The following TSPEAR variants were observed in gnomAD, a reference collection of about 807,000 sequenced individuals.
TSPEAR encodes thrombospondin type laminin G domain and EAR repeats.
Under a neutral mutation model 71.6 loss-of-function variants are expected in TSPEAR, and 69 were observed. That is an observed-to-expected ratio of 0.96 (90% confidence interval 0.79 to 1.18). TSPEAR has a LOEUF of 1.18. Among genes scored for constraint, TSPEAR ranks in the 50% most tolerant of loss-of-function variants. TSPEAR has a pLI of 0.00. For missense variants in TSPEAR, 971 were observed against 894.9 expected (o/e 1.09, Z -1.09); for synonymous variants, 402 against 387.2 (o/e 1.04, Z -0.45).
At chr21:44,639,236 A>T (rs1207447825) in intron 1 of TSPEAR, among the ~76,000 whole-genome samples, 2 of 152,160 alleles carry the variant, frequency 1.3e-5, no homozygotes, top group Non-Finnish European at 2.9e-5. Flanking sequence ...AATAGCCCTC[A>T]GCTCTGCCTG....
chr21:44,685,713 T>TCA (rs1230918560), intron 1 of TSPEAR, among the ~76,000 whole-genome samples: 1 of 152,134 alleles, frequency 6.6e-6, no homozygotes, highest in East Asian at 1.9e-4. Context: ...TCAGGATGAG[T>TCA]CACTTATTGA....
At position 44,558,074 on chromosome 21, in the gene TSPEAR, G is replaced by T. The variant is rs149538494; in HGVS notation, c.303+9711C>A. On this transcript the variant is annotated intron_variant, in intron 2 of 11. Transcript: ENST00000323084. ...GTCAGCAGCTGGACTTCTGGCCTGA[G>T]GAGAGGCCGCAGCACGCGGAAGAGA... is the stretch of plus-strand genomic sequence containing the variant. 8.3e-5 allele frequency: 134 copies of T among 1,610,570 alleles called. 1 individual carries two copies. In the African/African-American group the frequency reaches 1.5e-3, roughly 18 times the overall value.
chr21:44,503,856 G>A (rs1400778055), intron 11 of TSPEAR, among the ~76,000 whole-genome samples: 14 of 137,904 alleles, frequency 1.0e-4, no homozygotes, highest in Non-Finnish European at 2.0e-4. Flanking sequence ...GTGAGCCCTT[G>A]GGGGGAAGCC....
In TSPEAR at chr21:44,697,675, G is replaced by A. The variant is rs1193716906; in HGVS notation, c.82+13758C>T. ...CCTGCTGTGTGCCCGTCTGCTGCAA[G>A]CCCATCTGCTGTGTGCCTGTCTGCT... On this transcript the variant is annotated intron_variant, in intron 1 of 11. Coordinates refer to ENST00000323084, the MANE Select transcript of TSPEAR (RefSeq NM_144991.3). The A allele has an allele frequency of 2.5e-6, 4 of 1,612,818 alleles. No homozygotes were observed. The African/African-American group carries it at 4.0e-5, about 16-fold the overall frequency.
Position 44,702,723 on chromosome 21 carries a change from C to T in TSPEAR, c.82+8710G>A, listed in dbSNP as rs148182596. ...CCAGCTGCTGCCACCCAGCCTCCTG[C>T]GTGTCCCTCCTCTGCCGCCGTGTGT... is the stretch of plus-strand genomic sequence containing the variant. On this transcript the variant is annotated intron_variant, in intron 1 of 11. Transcript: ENST00000323084. 815 of 1,457,930 alleles carry T rather than the reference C, an allele frequency of 5.6e-4. 3 individuals carry two copies. The African/African-American group carries it at 9.7e-3, about 17-fold the overall frequency. 90.3% of individuals were successfully genotyped at this position (1,457,930 alleles called of 1,614,324 possible).
rs947582784 is a variant in TSPEAR at position 44,506,865 on chromosome 21, G to T, written c.1755-1984C>A. ...TGCACCGAGGCTCACATCAGAAGCC[G>T]GCTTCGGTTTCACCACAAAATAAGG... On this transcript the variant is annotated intron_variant, in intron 10 of 11. Transcript: ENST00000323084. The surrounding 1 kb of genome is among the most constrained non-coding windows in gnomAD (Gnocchi z 4.2). 6.6e-6 allele frequency: 1 copy of T among 152,176 alleles called. No homozygotes were observed. Among genetic ancestry groups the T allele is most frequent in the African/African-American group, 2.4e-5 (1 of 41,432 alleles). 9.4% of individuals were successfully genotyped at this position (152,176 alleles called of 1,614,324 possible).
rs538199531 is a variant in TSPEAR at position 44,684,923 on chromosome 21, T to A, written c.82+26510A>T. On this transcript the variant is annotated intron_variant, in intron 1 of 11. Transcript: ENST00000323084. ...TGTGGCTGCCCCAATTCTCTTGGTTTTTAAGTGTGATTCTGAACTATAGCA... is the reference window on the plus strand; with the variant it reads ...TGTGGCTGCCCCAATTCTCTTGGTTATTAAGTGTGATTCTGAACTATAGCA... 2.2e-3 allele frequency among the ~76,000 whole-genome samples: 341 copies of A among 152,306 alleles called. 4 individuals are homozygous for A. Among genetic ancestry groups the A allele is most frequent in the Non-Finnish European group, 3.8e-3 (260 of 68,022 alleles).
intron 1 of TSPEAR, among the ~76,000 whole-genome samples, chr21:44,669,231 T>C (rs587650725): frequency 1.3e-5 from 2 of 152,270 alleles, no homozygotes; most frequent in African/African-American, 2.4e-5. Flanking sequence ...GAGACCATCC[T>C]GGCTAACATG....
chr21:44,633,967 T>C (rs782576043), intron 1 of TSPEAR, among the ~76,000 whole-genome samples: 3 of 152,146 alleles, frequency 2.0e-5, no homozygotes, highest in Non-Finnish European at 4.4e-5. Flanking sequence ...ACAAATGCTA[T>C]AAAATGATGG....
Position 44,612,098 on chromosome 21 carries a change from A to G in TSPEAR, c.83-44093T>C. On this transcript the variant is annotated intron_variant, in intron 1 of 11. Transcript: ENST00000323084. This position sits in a 1 kb window ranked among gnomAD's most constrained non-coding sequence, Gnocchi z 4.1. ...ACTCACACCACCCAGTCCAGCACCC[A>G]CCATGGCTGACGCCTGCTGCACCAG... 3 of 1,612,758 alleles carry G rather than the reference A, an allele frequency of 1.9e-6. No homozygotes were observed. Among genetic ancestry groups the G allele is most frequent in the Non-Finnish European group, 2.5e-6 (3 of 1,179,252 alleles).
At chr21:44,667,071 TG>T in intron 1 of TSPEAR, 1 of 711,374 alleles carries the variant, frequency 1.4e-6, no homozygotes, top group Non-Finnish European at 2.3e-6. Flanking sequence ...CTCTGGGTTT[TG>T]TTTGGCCCTT....
At position 44,530,017 on chromosome 21, in the gene TSPEAR, G is replaced by A. The variant is rs781808765; in HGVS notation, c.634-63C>T. 6.3e-5 allele frequency: 92 copies of A among 1,462,584 alleles called. No individual in the cohort carries two copies. The Middle Eastern group carries it at 2.1e-3, about 33-fold the overall frequency. The allele number at this position is 1,462,584 out of a possible 1,614,324, so 90.6% of individuals were successfully genotyped here. On this transcript the variant is annotated intron_variant, in intron 4 of 11. Transcript: ENST00000323084. ...CTGGGGAAGGACCCGCTGAGGAGGC[G>A]ACCACTGAGCTTGGCCCATCCAGAG...
chr21:44,646,742 GCC>G (rs1984414323), intron 1 of TSPEAR: 1 of 1,611,622 alleles, frequency 6.2e-7, no homozygotes, highest in African/African-American at 1.3e-5. Context: ...TCCTCCCCCT[GCC>G]AGCAGGCCTG....
At chr21:44,680,024 A>G (rs1986504018) in intron 1 of TSPEAR, among the ~76,000 whole-genome samples, 1 of 152,232 alleles carries the variant, frequency 6.6e-6, no homozygotes, top group Non-Finnish European at 1.5e-5. Flanking sequence ...AACAAAAACC[A>G]AAATAGACAA....
chr21:44,580,330 G>A (rs1601442191), intron 1 of TSPEAR: 1 of 1,613,998 alleles, frequency 6.2e-7, no homozygotes, highest in Non-Finnish European at 8.5e-7. Flanking sequence ...CCTGCTGGCA[G>A]GGGGAGGAGG....
intron 1 of TSPEAR, among the ~76,000 whole-genome samples, chr21:44,582,970 G>GTGC (rs1253703064): frequency 2.7e-5 from 4 of 148,898 alleles, no homozygotes; most frequent in African/African-American, 9.9e-5. Flanking sequence ...TTACAGGTGT[G>GTGC]CACCACCACA....
At chr21:44,650,012 A>G (rs3944594) in intron 1 of TSPEAR, among the ~76,000 whole-genome samples, 117,882 of 152,098 alleles carry the variant, frequency 0.78, 46,151 homozygotes, top group African/African-American at 0.89. Flanking sequence ...ACTCGAGCCC[A>G]GGAGTTCGAG....
At chr21:44,514,917 C>T (rs1018820891) in intron 9 of TSPEAR, among the ~76,000 whole-genome samples, 1 of 152,188 alleles carries the variant, frequency 6.6e-6, no homozygotes, top group Non-Finnish European at 1.5e-5. Flanking sequence ...GCCCACCGAC[C>T]ATTCCCTTGG....
At chr21:44,545,832 A>G (rs2053295782) in intron 2 of TSPEAR, among the ~76,000 whole-genome samples, 1 of 152,318 alleles carries the variant, frequency 6.6e-6, no homozygotes, top group South Asian at 2.1e-4. Flanking sequence ...CATTAATCTA[A>G]CTTTATATCT....
Sources: allele counts gnomAD v4.1 joint callset (sites outside exome capture counted in the v4.1 genomes callset), GRCh38; gene constraint gnomAD v4.1.1; non-coding constraint Gnocchi (gnomAD v3.1); transcripts MANE v1.5; gene names NCBI Gene and HGNC (gene_info 2026-07-23, HGNC 2026-07-21).